The following CUL7 variants were observed in gnomAD, a reference collection of about 807,000 sequenced individuals.
CUL7 encodes the protein cullin-7.
CUL7 carries 96 observed loss-of-function variants against 177.7 expected under a neutral mutation model. That is an observed-to-expected ratio of 0.54 (90% CI 0.46 to 0.64). The LOEUF is 0.64. CUL7 is among the 30% of genes least tolerant of loss of function. The pLI is 0.00. For missense variants in CUL7, 1,893 were observed against 2,187.9 expected, an observed-to-expected ratio of 0.87 and a Z score of 2.69; for synonymous variants, 824 against 890.2, an observed-to-expected ratio of 0.93 and a Z score of 1.32.
intron 9 of CUL7, among the ~76,000 whole-genome samples, chr6:43,047,325 T>A (rs1199105204): frequency 6.6e-6 from 1 of 152,152 alleles, no homozygotes; most frequent in East Asian, 1.9e-4. Context: ...GGGCACAAGA[T>A]GCCCTGCTAC....
chr6:43,042,444 G>A (rs1763524927), intron 19 of CUL7, among the ~76,000 whole-genome samples: 1 of 152,014 alleles, frequency 6.6e-6, no homozygotes, highest in African/African-American at 2.4e-5. Flanking sequence ...GGGTTCAAAC[G>A]ATTCTCCTGC....
Position 43,051,916 on chromosome 6 carries a change from T to TACACAC in CUL7, c.581-159_581-154dup, listed in dbSNP as rs753634267. Among the ~76,000 whole-genome samples, 1 of 151,980 alleles carries TACACAC rather than the reference T, an allele frequency of 6.6e-6. No homozygotes were observed. Among genetic ancestry groups the TACACAC allele is most frequent in the Non-Finnish European group, 1.5e-5 (1 of 67,964 alleles). On this transcript the variant is annotated intron_variant, in intron 2 of 25. Coordinates refer to ENST00000265348, the MANE Select transcript of CUL7 (RefSeq NM_014780.5). This position sits in a 1 kb window ranked among gnomAD's most constrained non-coding sequence, Gnocchi z 5.0. ...GCTAAAATTTGCTAACTTATACACA[T>TACACAC]ACACACACACACGCACATAAACACG... is the stretch of plus-strand genomic sequence containing the variant.
chr6:43,052,631 C>T lies in CUL7; in HGVS notation c.158G>A (p.Gly53Glu), dbSNP rs1266242694. The part of the protein sequence containing the change: ...LILRRGDEGD[G>E]GSGQVDCKAE... Reference sequence around the variant, plus strand: ...CTTGCAGTCCACTTGGCCAGAGCCCCCGTCCCCCTCATCGCCACGCCGCAG... The same window carrying T: ...CTTGCAGTCCACTTGGCCAGAGCCCTCGTCCCCCTCATCGCCACGCCGCAG... Residue 53 changes from glycine to glutamate, a missense_variant, in exon 2 of 26, where the codon GGG becomes GAG. By Grantham distance (98) the Gly-to-Glu change is moderately conservative. Coordinates refer to ENST00000265348, the MANE Select transcript of CUL7 (RefSeq NM_014780.5). This position sits in a 1 kb window ranked among gnomAD's most constrained non-coding sequence, Gnocchi z 4.5. 6 of 1,614,132 alleles carry T rather than the reference C, an allele frequency of 3.7e-6. No homozygotes were observed. The highest frequency in any genetic ancestry group is 3.4e-6 in the Non-Finnish European group (4 of 1,180,052).
At position 43,045,783 on chromosome 6, in the gene CUL7, G is replaced by A; in HGVS notation, c.2767-101C>T. ...GTTTCCCTCCCTTCCCCAGCCCTGG[G>A]ATGTGTAGGGTCCTGACAAAGCTGT... On this transcript the variant is annotated intron_variant, in intron 13 of 25. Transcript: ENST00000265348. The surrounding 1 kb of genome is among the most constrained non-coding windows in gnomAD (Gnocchi z 4.8). 7.4e-7 allele frequency: 1 copy of A among 1,358,594 alleles called. No homozygotes were observed. The highest frequency in any genetic ancestry group is 1.2e-5 in the South Asian group (1 of 83,566). 84.2% of individuals were successfully genotyped at this position (1,358,594 alleles called of 1,614,324 possible). A position where few individuals can be genotyped will look rare whatever the true frequency, so the allele number is the denominator to read the frequency against.
At chr6:43,044,279 G>A (rs1360955513) in intron 16 of CUL7, among the ~76,000 whole-genome samples, 1 of 152,028 alleles carries the variant, frequency 6.6e-6, no homozygotes, top group Non-Finnish European at 1.5e-5. Context: ...CCGAGACTGC[G>A]CCATTGCACT....
At chr6:43,038,523 G>A (rs1183793396) in intron 24 of CUL7, 43 bp downstream of exon 24, 2 of 1,613,516 alleles carry the variant, frequency 1.2e-6, no homozygotes, top group Admixed American at 1.7e-5. Flanking sequence ...GAGGAGCCTG[G>A]CCCTGCCTCA....
Position 43,039,779 on chromosome 6 carries a change from G to A in CUL7, c.4294+377C>T, listed in dbSNP as rs1321794220. Among the ~76,000 whole-genome samples the A allele has an allele frequency of 1.8e-4, 22 of 122,310 alleles. No individual in the cohort carries two copies. The Admixed American group carries it at 2.2e-3, about 12-fold the overall frequency. The allele number at this position is 122,310 out of a possible 152,430, so 80.2% of individuals were successfully genotyped here. A position where few individuals can be genotyped will look rare whatever the true frequency, so the allele number is the denominator to read the frequency against. ...TTTTTTGAGATGGAGTCTCGCTGTC[G>A]CCCAGGCTAGAGTGCAGTGGCACGA... On this transcript the variant is annotated intron_variant, in intron 22 of 25. Coordinates refer to ENST00000265348, the MANE Select transcript of CUL7 (RefSeq NM_014780.5).
Position 43,042,744 on chromosome 6 carries a change from T to C in CUL7, c.3645+58A>G. Reference sequence around the variant, plus strand: ...GGAAGGGTGGGTCATTTGGAGGAGGTGAGGAAGGGAGAGTTTGTCGGAAGA... The same window carrying C: ...GGAAGGGTGGGTCATTTGGAGGAGGCGAGGAAGGGAGAGTTTGTCGGAAGA... On this transcript the variant is annotated intron_variant, in intron 19 of 25. Transcript: ENST00000265348. 4.5e-6 allele frequency: 5 copies of C among 1,112,392 alleles called. No individual in the cohort carries two copies. In the South Asian group the frequency reaches 6.4e-5, roughly 14 times the overall value. 68.9% of individuals were successfully genotyped at this position (1,112,392 alleles called of 1,614,324 possible).
chr6:43,051,666 T>A lies in CUL7; in HGVS notation c.678A>T (p.Ala226=), dbSNP rs757348507. ...DSRCALLALF[A]QATLSEHPMS... ...TGGGGTGTTCAGAGAGCGTGGCCTG[T>A]GCAAACAGTGCTAGCAGAGCACAGC... is the stretch of plus-strand genomic sequence containing the variant. The change falls in exon 3 of 26, where the codon GCA becomes GCT. Residue 226 remains alanine, a synonymous_variant. Coordinates refer to ENST00000265348, the MANE Select transcript of CUL7 (RefSeq NM_014780.5). The surrounding 1 kb of genome is among the most constrained non-coding windows in gnomAD (Gnocchi z 5.0). 6.2e-7 allele frequency: 1 copy of A among 1,614,170 alleles called. No individual in the cohort carries two copies. Among genetic ancestry groups the A allele is most frequent in the Admixed American group, 1.7e-5 (1 of 60,016 alleles).
chr6:43,037,915 A>G lies in CUL7; in HGVS notation c.4870T>C (p.Cys1624Arg). 6.2e-7 allele frequency: 1 copy of G among 1,611,394 alleles called. No homozygotes were observed. Among genetic ancestry groups the G allele is most frequent in the Non-Finnish European group, 8.5e-7 (1 of 1,177,964 alleles). Residue 1624 changes from cysteine (C) to arginine (R), a missense_variant, in exon 26 of 26, where the codon TGC (cysteine) becomes CGC (arginine). Coordinates refer to ENST00000265348, the MANE Select transcript of CUL7 (RefSeq NM_014780.5). Reference sequence around the variant, plus strand: ...CCCTTGCCCAGGAGGTGTAGGATGCAGGAGAGGACGTCAGTGCTGCTGCAT... The same window carrying G: ...CCCTTGCCCAGGAGGTGTAGGATGCGGGAGAGGACGTCAGTGCTGCTGCAT... ...SACSSTDVLS[C>R]ILHLLGKGTL...
chr6:43,047,160 G>A (rs1763992338), intron 9 of CUL7, 53 bp from the exon 10 acceptor site: 4 of 1,030,358 alleles, frequency 3.9e-6, no homozygotes, highest in Non-Finnish European at 4.6e-6. Flanking sequence ...AGGGCCACAA[G>A]GGCACCTGCA....
In CUL7 at chr6:43,048,472, G is replaced by C; in HGVS notation, c.1923C>G (p.Ala641=). ...AGKILLDLEQ[A]LSSEGTQENK... ...TCTCCTGGGTCCCCTCTGAGCTGAG[G>C]GCTTGCTCTAGATCCAGGAGGATTT... The change falls in exon 8 of 26, where the codon GCC becomes GCG. Residue 641 remains alanine (A), a synonymous_variant. Transcript: ENST00000265348. The C allele has an allele frequency of 6.2e-7, 1 of 1,614,082 alleles. No homozygotes were observed. The highest frequency in any genetic ancestry group is 8.5e-7 in the Non-Finnish European group (1 of 1,180,000).
rs1764512031 is a variant in CUL7, at chr6:43,052,553, T to C, written c.236A>G (p.His79Arg). ...CTGGCCATCCTCGCCCAGCATCTTG[T>C]GGCAGTTGGCATAGATCTCATCCTT... ...MSKDEIYANCHKMLGEDGQVI... is the reference protein window; with the variant it reads ...MSKDEIYANCRKMLGEDGQVI... The change falls in exon 2 of 26, where the codon CAC (histidine) becomes CGC (arginine). Residue 79 changes from histidine to arginine, a missense_variant. Coordinates refer to ENST00000265348, the MANE Select transcript of CUL7 (RefSeq NM_014780.5). The surrounding 1 kb of genome is among the most constrained non-coding windows in gnomAD (Gnocchi z 4.5). The C allele has an allele frequency of 1.2e-6, 2 of 1,614,136 alleles. No individual in the cohort carries two copies. Among genetic ancestry groups the C allele is most frequent in the South Asian group, 2.2e-5 (2 of 91,094 alleles).
chr6:43,052,275 T>C lies in CUL7; in HGVS notation c.514A>G (p.Ser172Gly). 6.2e-7 allele frequency: 1 copy of C among 1,614,232 alleles called. No individual in the cohort carries two copies. Among genetic ancestry groups the C allele is most frequent in the Non-Finnish European group, 8.5e-7 (1 of 1,180,042 alleles). Residue 172 changes from serine (S) to glycine (G), a missense_variant, in exon 2 of 26, where the codon AGT becomes GGT. Ser to Gly is a moderately conservative substitution (Grantham distance 56). Coordinates refer to ENST00000265348, the MANE Select transcript of CUL7 (RefSeq NM_014780.5). This position sits in a 1 kb window ranked among gnomAD's most constrained non-coding sequence, Gnocchi z 4.5. ...VLDLLMHMLS[S>G]PDYQIRWSAG... ...CTCCAGCGAATCTGATAATCAGGAC[T>C]ACTCAACATGTGCATGAGCAAGTCC...
Position 43,042,817 on chromosome 6 carries a change from A to G in CUL7, c.3630T>C (p.Phe1210=). Residue 1210 remains phenylalanine (F), a synonymous_variant, in exon 19 of 26, where the codon TTT becomes TTC. Transcript: ENST00000265348. The part of the protein sequence containing the change: ...GCAGALLKLP[F]LKAAHVSEQF... ...AGAGGCTTACGTGGGCAGCTTTGAG[A>G]AAAGGGAGCTTCAGCAAGGCTCCCG... 1 of 1,612,764 alleles carries G rather than the reference A, an allele frequency of 6.2e-7. No homozygotes were observed. The highest frequency in any genetic ancestry group is 8.5e-7 in the Non-Finnish European group (1 of 1,179,072).
At position 43,049,682 on chromosome 6, in the gene CUL7, C is replaced by G. The variant is rs1169616721; in HGVS notation, c.1570-20G>C. On this transcript the variant is annotated intron_variant, in intron 6 of 25. Coordinates refer to ENST00000265348, the MANE Select transcript of CUL7 (RefSeq NM_014780.5). ...CAGAATCTGCCATCAAGGAGAAGCT[C>G]TCACTGCAGACAGCCCTGCCGACCC... 13 of 1,613,596 alleles carry G rather than the reference C, an allele frequency of 8.1e-6. No homozygotes were observed. The highest frequency in any genetic ancestry group is 1.1e-5 in the Non-Finnish European group (13 of 1,179,826).
At chr6:43,042,090 A>G (rs1310765255) in intron 19 of CUL7, among the ~76,000 whole-genome samples, 4 of 136,460 alleles carry the variant, frequency 2.9e-5, no homozygotes, top group Non-Finnish European at 6.3e-5. Flanking sequence ...AGGGAGGGAG[A>G]GAAGGAGGGA....
chr6:43,041,302 A>G (rs1763395876), intron 19 of CUL7, among the ~76,000 whole-genome samples: 1 of 152,216 alleles, frequency 6.6e-6, no homozygotes, highest in African/African-American at 2.4e-5. Context: ...CAAACTAATA[A>G]TAATCATTCA....
Position 43,043,631 on chromosome 6 carries a change from C to T in CUL7, c.3173-1G>A. The T allele has an allele frequency of 6.3e-7, 1 of 1,595,518 alleles. No homozygotes were observed. Among genetic ancestry groups the T allele is most frequent in the Non-Finnish European group, 8.6e-7 (1 of 1,169,100 alleles). ...CCCAGGGGGCTAATGCCATCCTCAT[C>T]TAGAGGGTGAGATAAACAAACCAAG... is the stretch of plus-strand genomic sequence containing the variant. On this transcript the variant is annotated splice_acceptor_variant, in intron 16 of 25. Coordinates refer to ENST00000265348, the MANE Select transcript of CUL7 (RefSeq NM_014780.5). LOFTEE classifies it high-confidence loss of function. This position sits in a 1 kb window ranked among gnomAD's most constrained non-coding sequence, Gnocchi z 4.2.
Sources: gnomAD v4.1 joint callset for allele counts (sites outside exome capture counted in the v4.1 genomes callset) on GRCh38, gnomAD v4.1.1 for gene constraint, Gnocchi (gnomAD v3.1) non-coding constraint, MANE v1.5 for transcripts, NCBI Gene and HGNC (gene_info 2026-07-23, HGNC 2026-07-21) for gene names.